Variants in NCOA1 observed in about 807,000 individuals in gnomAD.
The protein encoded by NCOA1 is nuclear receptor coactivator 1.
NCOA1 carries 35 observed loss-of-function variants against 150.9 expected under a neutral mutation model. The ratio of observed to expected loss-of-function variants is 0.23; its 90% CI spans 0.18 to 0.31. NCOA1 has a LOEUF of 0.31. Among genes scored for constraint, NCOA1 ranks in the 10% least tolerant of loss-of-function variants. The pLI is 1.00. For missense variants in NCOA1, 1,491 were observed against 1,749.3 expected (o/e 0.85, Z 2.63); for synonymous variants, 590 against 630.0 (o/e 0.94, Z 0.95).
At chr2:24,711,156 T>A (rs747375739) in intron 14 of NCOA1, 45 bp downstream of exon 14, 1 of 1,552,576 alleles carries the variant, frequency 6.4e-7, no homozygotes, top group Non-Finnish European at 8.7e-7. Flanking sequence ...TTAGTGATAA[T>A]GTGGATTAGC....
chr2:24,576,163 GTTTTTTGTTTTTTTTTTTT>G (rs1666964435), intron 2 of NCOA1, among the ~76,000 whole-genome samples: 6 of 92,734 alleles, frequency 6.5e-5, no homozygotes, highest in African/African-American at 2.8e-4. Flanking sequence ...TTTTTTTTTT[GTTTTTTGTTTTTTTTTTTT>G]TTTTTTTTTG....
intron 1 of NCOA1, chr2:24,491,836 G>C (rs1316498185): frequency 6.6e-6 from 1 of 151,820 alleles, no homozygotes; most frequent in African/African-American, 2.4e-5. Context: ...TCCCCGCCGG[G>C]GGAAATCGCT....
At chr2:24,629,518 G>T (rs1318758861) in intron 3 of NCOA1, among the ~76,000 whole-genome samples, 2 of 138,682 alleles carry the variant, frequency 1.4e-5, no homozygotes, top group African/African-American at 5.3e-5. Flanking sequence ...ATTAAACTTA[G>T]AATGTAAACA....
chr2:24,763,616 C>CTTTTTTTT (rs1179539444), intron 22 of NCOA1, among the ~76,000 whole-genome samples: 18 of 85,314 alleles, frequency 2.1e-4, no homozygotes, highest in East Asian at 3.6e-4. Flanking sequence ...GTCTCTCTCT[C>CTTTTTTTT]TTTTTTTTTT....
rs112367907 is a variant in NCOA1, at chr2:24,742,629, GT to G, written c.3706+456del. 4.4e-4 allele frequency among the ~76,000 whole-genome samples: 60 copies of G among 137,044 alleles called. 1 individual carries two copies. Among genetic ancestry groups the G allele is most frequent in the East Asian group, 1.2e-3 (6 of 4,818 alleles). 89.9% of individuals were successfully genotyped at this position (137,044 alleles called of 152,430 possible). A position where few individuals can be genotyped will look rare whatever the true frequency, so the allele number is the denominator to read the frequency against. On this transcript the variant is annotated intron_variant, in intron 19 of 22. Transcript: ENST00000348332. ...GTGCCACCGTGCCCAGCTAATTTTTGTTTTTTTTTTTTTGTAGAGACAGGGT... is the reference window on the plus strand; with the variant it reads ...GTGCCACCGTGCCCAGCTAATTTTTGTTTTTTTTTTTTGTAGAGACAGGGT...
chr2:24,516,977 C>CATATACGGATATATACGTGTAT (rs1664215811), intron 1 of NCOA1, among the ~76,000 whole-genome samples: 1 of 58,968 alleles, frequency 1.7e-5, no homozygotes, highest in Non-Finnish European at 3.8e-5. Context: ...TATATATACA[C>CATATACGGATATATACGTGTAT]ATATACGTAT....
chr2:24,760,858 G>A (rs967643069), intron 21 of NCOA1, among the ~76,000 whole-genome samples: 2 of 151,290 alleles, frequency 1.3e-5, no homozygotes, highest in African/African-American at 4.9e-5. Flanking sequence ...TTTTTTTGTG[G>A]TTTTTTTGAG....
chr2:24,633,398 G>A lies in NCOA1; in HGVS notation c.-174-10568G>A, dbSNP rs564893281. Among the ~76,000 whole-genome samples the A allele has an allele frequency of 9.2e-5, 14 of 152,212 alleles. No individual in the cohort carries two copies. The South Asian group carries it at 2.9e-3, about 32-fold the overall frequency. ...AACAGAAGATAAAGTAAATATACTA[G>A]TGCAGGAGGGCCAGCTCTGTATTAT... is the stretch of plus-strand genomic sequence containing the variant. On this transcript the variant is annotated intron_variant, in intron 3 of 22. Transcript: ENST00000348332.
intron 14 of NCOA1, among the ~76,000 whole-genome samples, chr2:24,723,791 C>T (rs1204938037): frequency 1.3e-5 from 2 of 151,900 alleles, no homozygotes; most frequent in African/African-American, 4.8e-5. Flanking sequence ...TTGTCTACAT[C>T]ATGTTTTGAA....
chr2:24,592,399 A>G (rs1017949822), intron 3 of NCOA1, among the ~76,000 whole-genome samples: 2 of 152,124 alleles, frequency 1.3e-5, no homozygotes, highest in South Asian at 4.1e-4. Flanking sequence ...TGGGCAAGGT[A>G]AAATGATCCC....
rs749973291 is a variant in NCOA1, at chr2:24,707,151, CT to C, written c.1682del (p.Leu561ProfsTer4). ...TGGCTTCTCTGCCAGTTCTCCAGTC[CT>C]CAGGCAGATGAGCTCACAGAATTCA... ...SVGFSASSPVLRQMSSQNSPS... is the reference protein window; with the variant it reads ...SVGFSASSPVXRQMSSQNSPS... On this transcript the variant is annotated frameshift_variant, in exon 13 of 23. Transcript: ENST00000348332. LOFTEE classifies it high-confidence loss of function. The C allele has an allele frequency of 6.2e-7, 1 of 1,614,162 alleles. No homozygotes were observed. Among genetic ancestry groups the C allele is most frequent in the Non-Finnish European group, 8.5e-7 (1 of 1,180,028 alleles).
chr2:24,608,704 G>GTTT (rs56710627), intron 3 of NCOA1, among the ~76,000 whole-genome samples: 9 of 117,326 alleles, frequency 7.7e-5, no homozygotes, highest in African/African-American at 3.0e-4. Flanking sequence ...TTGTTGTTGT[G>GTTT]TTTTTTTTTT....
intron 19 of NCOA1, among the ~76,000 whole-genome samples, chr2:24,750,815 T>C (rs1345911745): frequency 3.3e-5 from 5 of 151,776 alleles, no homozygotes; most frequent in African/African-American, 1.2e-4. Flanking sequence ...TGGATTGTGG[T>C]AATGGCGGCA....
At chr2:24,540,050 T>C (rs536919413) in intron 1 of NCOA1, among the ~76,000 whole-genome samples, 8 of 152,192 alleles carry the variant, frequency 5.3e-5, no homozygotes, top group Non-Finnish European at 1.2e-4. Context: ...TGACGTGTTC[T>C]GCTTCTCCTT....
intron 11 of NCOA1, among the ~76,000 whole-genome samples, chr2:24,698,459 G>T (rs990209472): frequency 3.3e-5 from 5 of 151,982 alleles, no homozygotes; most frequent in African/African-American, 1.2e-4. Flanking sequence ...ATAGCTTCTG[G>T]GTCTTAGTAA....
At chr2:24,498,109 A>G (rs970114362) in intron 1 of NCOA1, among the ~76,000 whole-genome samples, 1 of 152,210 alleles carries the variant, frequency 6.6e-6, no homozygotes, top group African/African-American at 2.4e-5. Flanking sequence ...AAACATCTGT[A>G]TGTGTAATAT....
Position 24,665,918 on chromosome 2 carries a change from AAAAAAG to A in NCOA1, c.256+14_256+19del. 1 of 1,430,230 alleles carries A rather than the reference AAAAAAG, an allele frequency of 7.0e-7. No homozygotes were observed. The highest frequency in any genetic ancestry group is 9.2e-7 in the Non-Finnish European group (1 of 1,085,614). The allele number at this position is 1,430,230 out of a possible 1,614,324, so 88.6% of individuals were successfully genotyped here. A position where few individuals can be genotyped will look rare whatever the true frequency, so the allele number is the denominator to read the frequency against. ...GCTAATGAAGAGAATGGAACAAGGT[AAAAAAG>A]AAAAAGAAAACCCATGGCTGTGTGC... is the stretch of plus-strand genomic sequence containing the variant. On this transcript the variant is annotated splice_donor_5th_base_variant and intron_variant, in intron 6 of 22. Coordinates refer to ENST00000348332, the MANE Select transcript of NCOA1 (RefSeq NM_003743.5).
chr2:24,627,760 A>G (rs1394581594), intron 3 of NCOA1, among the ~76,000 whole-genome samples: 1 of 152,224 alleles, frequency 6.6e-6, no homozygotes, highest in Non-Finnish European at 1.5e-5. Context: ...TCTTTAGGAA[A>G]GAACTAAACA....
At chr2:24,500,100 T>C (rs11688750) in intron 1 of NCOA1, among the ~76,000 whole-genome samples, 70,486 of 151,738 alleles carry the variant, frequency 0.46, 19,131 homozygotes, top group East Asian at 0.74. Context: ...TAGTTTCTTT[T>C]TTTCTTTCTT....
Sources: allele counts gnomAD v4.1 joint callset (sites outside exome capture counted in the v4.1 genomes callset), GRCh38; gene constraint gnomAD v4.1.1; transcripts MANE v1.5; gene names NCBI Gene and HGNC (gene_info 2026-07-23, HGNC 2026-07-21).